Variants in GABRG3 observed in about 807,000 individuals in gnomAD.
GABRG3 encodes the protein gamma-aminobutyric acid type A receptor subunit gamma3, also known as gamma-aminobutyric acid receptor subunit gamma-3.
GABRG3 carries 25 observed loss-of-function variants against 48.8 expected under a neutral mutation model. The ratio of observed to expected loss-of-function variants is 0.51; its 90% CI spans 0.37 to 0.72. GABRG3 has a LOEUF of 0.72. Ranked by LOEUF, GABRG3 falls within the 30% of genes least tolerant of loss-of-function variation. GABRG3 has a pLI of 0.00. For missense variants in GABRG3, 394 were observed against 577.9 expected (o/e 0.68, Z 3.26); for synonymous variants, 227 against 217.6 (o/e 1.04, Z -0.38).
In GABRG3 at chr15:27,319,591, G is replaced by A. The variant is rs772628543; in HGVS notation, c.271-7218G>A. On this transcript the variant is annotated intron_variant, in intron 3 of 9. Transcript: ENST00000615808. The surrounding 1 kb of genome is among the most constrained non-coding windows in gnomAD (Gnocchi z 4.4). Reference sequence around the variant, plus strand: ...CTGTTGGCAAATATGCCAATGCCACGGGAAGATGGCAGACAGGAGGATGGA... The same window carrying A: ...CTGTTGGCAAATATGCCAATGCCACAGGAAGATGGCAGACAGGAGGATGGA... 9.9e-5 allele frequency among the ~76,000 whole-genome samples: 15 copies of A among 152,120 alleles called. No individual in the cohort carries two copies. Among genetic ancestry groups the A allele is most frequent in the South Asian group, 2.1e-4 (1 of 4,824 alleles).
intron 3 of GABRG3, among the ~76,000 whole-genome samples, chr15:27,044,512 C>A (rs1449171732): frequency 2.0e-5 from 3 of 151,992 alleles, no homozygotes; most frequent in East Asian, 1.9e-4. Flanking sequence ...TATACCATTG[C>A]AAAAATATTA....
intron 2 of GABRG3, among the ~76,000 whole-genome samples, chr15:26,996,621 C>CTTATTTATTTATTTAT (rs147458553): frequency 1.7e-3 from 249 of 149,914 alleles, no homozygotes; most frequent in African/African-American, 4.3e-3. Flanking sequence ...TATATACTGG[C>CTTATTTATTTATTTAT]TTATTTATTT....
chr15:26,981,144 A>G (rs998827078), intron 2 of GABRG3, among the ~76,000 whole-genome samples: 4 of 152,230 alleles, frequency 2.6e-5, no homozygotes, highest in African/African-American at 7.2e-5. Flanking sequence ...ATGATTTTTC[A>G]ACTGAGAAAC....
At chr15:27,393,071 C>T (rs963719121) in intron 5 of GABRG3, among the ~76,000 whole-genome samples, 17 of 152,094 alleles carry the variant, frequency 1.1e-4, no homozygotes, top group Admixed American at 3.9e-4. Context: ...GTGGTCTGGG[C>T]GCAGTGGCTC....
chr15:27,174,025 A>T (rs1481533789), intron 3 of GABRG3, among the ~76,000 whole-genome samples: 1 of 152,222 alleles, frequency 6.6e-6, no homozygotes, highest in Non-Finnish European at 1.5e-5. Context: ...GAAATATTTT[A>T]ATGCAAACCC....
At chr15:27,115,963 C>T (rs376215535) in intron 3 of GABRG3, among the ~76,000 whole-genome samples, 8 of 152,238 alleles carry the variant, frequency 5.3e-5, no homozygotes, top group East Asian at 3.9e-4. Context: ...AACTTGGGCT[C>T]AACTCCAGAT....
chr15:27,313,364 A>G (rs549293903), intron 3 of GABRG3, among the ~76,000 whole-genome samples: 1 of 143,394 alleles, frequency 7.0e-6, no homozygotes. Flanking sequence ...AACTGAAGGA[A>G]GACACCGATA....
chr15:27,106,285 AAAAC>A (rs1897448477), intron 3 of GABRG3, among the ~76,000 whole-genome samples: 1 of 152,088 alleles, frequency 6.6e-6, no homozygotes, highest in Non-Finnish European at 1.5e-5. Context: ...CTTGCTACAA[AAAAC>A]AAAGGGCAAC....
At chr15:27,054,261 A>G (rs1331309787) in intron 3 of GABRG3, among the ~76,000 whole-genome samples, 1 of 151,884 alleles carries the variant, frequency 6.6e-6, no homozygotes, top group African/African-American at 2.4e-5. Context: ...AAAAAGAAAA[A>G]AGGAGGGAGG....
At chr15:27,141,193 GC>G (rs1161048612) in intron 3 of GABRG3, among the ~76,000 whole-genome samples, 2 of 152,118 alleles carry the variant, frequency 1.3e-5, no homozygotes, top group Non-Finnish European at 2.9e-5. Context: ...CTGAGAAGCA[GC>G]CCTCACACAC....
chr15:27,429,503 C>G (rs1888386171), intron 5 of GABRG3, among the ~76,000 whole-genome samples: 1 of 152,182 alleles, frequency 6.6e-6, no homozygotes, highest in African/African-American at 2.4e-5. Context: ...TCACAGAATT[C>G]TGCAACTGTC....
At chr15:27,301,125 G>C (rs768585804) in intron 3 of GABRG3, among the ~76,000 whole-genome samples, 1 of 152,116 alleles carries the variant, frequency 6.6e-6, no homozygotes, top group Non-Finnish European at 1.5e-5. Context: ...AAAAAGAACA[G>C]AGGTAGAGGA....
At chr15:27,222,139 C>T (rs12324482) in intron 3 of GABRG3, among the ~76,000 whole-genome samples, 3,913 of 152,292 alleles carry the variant, frequency 0.026, 185 homozygotes, top group African/African-American at 0.09. Flanking sequence ...GAAGATGCCC[C>T]AAATGGCTCT....
At chr15:27,360,596 G>T (rs778210632) in intron 5 of GABRG3, among the ~76,000 whole-genome samples, 1 of 152,146 alleles carries the variant, frequency 6.6e-6, no homozygotes, top group African/African-American at 2.4e-5. Context: ...GAGATGGGCC[G>T]GGATGAGGTG....
chr15:27,281,931 C>T (rs997525250), intron 3 of GABRG3, among the ~76,000 whole-genome samples: 3 of 152,038 alleles, frequency 2.0e-5, no homozygotes, highest in Admixed American at 6.6e-5. Context: ...GAAATTTTCT[C>T]ACTATTCCTT....
rs1897338821 is a variant in GABRG3, at chr15:27,100,589, G to A, written c.270+73768G>A. Among the ~76,000 whole-genome samples the A allele has an allele frequency of 2.0e-5, 3 of 152,230 alleles. No individual in the cohort carries two copies. In the South Asian group the frequency reaches 6.2e-4, roughly 32 times the overall value. On this transcript the variant is annotated intron_variant, in intron 3 of 9. Transcript: ENST00000615808. ...ACGCAAAACTCCTCAACAAATATTA[G>A]CAAATAGAGTCCTGCAAAGTTTAAA... is the stretch of plus-strand genomic sequence containing the variant.
At position 27,540,563 on chromosome 15, in the gene GABRG3, T is replaced by G. The variant is rs1891642721; in HGVS notation, c.*7682T>G. On this transcript the variant is annotated 3_prime_UTR_variant, in exon 10 of 10. Transcript: ENST00000615808. ...ATATGATCTCTGTTTAGAATAACTA[T>G]TTTATTAAAACAGTCTAAAAGACAC... 2 of 146,822 alleles carry G rather than the reference T, an allele frequency of 1.4e-5. No homozygotes were observed. Among genetic ancestry groups the G allele is most frequent in the Non-Finnish European group, 3.1e-5 (2 of 65,302 alleles). 9.1% of individuals were successfully genotyped at this position (146,822 alleles called of 1,614,324 possible).
At chr15:27,092,951 A>G (rs1344929852) in intron 3 of GABRG3, among the ~76,000 whole-genome samples, 1 of 151,936 alleles carries the variant, frequency 6.6e-6, no homozygotes, top group Non-Finnish European at 1.5e-5. Context: ...AGATTCCTGC[A>G]TGGTGCAGTT....
At position 27,285,225 on chromosome 15, in the gene GABRG3, C is replaced by A. The variant is rs1009701189; in HGVS notation, c.271-41584C>A. Reference sequence around the variant, plus strand: ...ATAATGTGGTAGCTGCAGTTTGCATCTTCCCTAGATAAATTTGCTGAGCTT... The same window carrying A: ...ATAATGTGGTAGCTGCAGTTTGCATATTCCCTAGATAAATTTGCTGAGCTT... On this transcript the variant is annotated intron_variant, in intron 3 of 9. Transcript: ENST00000615808. Among the ~76,000 whole-genome samples, 22 of 150,958 alleles carry A rather than the reference C, an allele frequency of 1.5e-4. 1 individual carries two copies. The highest frequency in any genetic ancestry group is 1.5e-3 in the Admixed American group (22 of 15,122).
Sources: allele counts gnomAD v4.1 joint callset (sites outside exome capture counted in the v4.1 genomes callset), GRCh38; gene constraint gnomAD v4.1.1; non-coding constraint Gnocchi (gnomAD v3.1); transcripts MANE v1.5; gene names NCBI Gene and HGNC (gene_info 2026-07-23, HGNC 2026-07-21).